ERBB4: variants seen among roughly 807,000 people sequenced by gnomAD.
ERBB4 encodes the protein receptor tyrosine-protein kinase erbB-4.
A neutral mutation model predicts 158.0 loss-of-function variants in ERBB4; 42 were observed. That is an observed-to-expected ratio of 0.27 (90% CI 0.21 to 0.34). ERBB4 has a LOEUF of 0.34. Ranked by LOEUF, ERBB4 falls within the 10% of genes least tolerant of loss-of-function variation. The pLI is 1.00. For synonymous variants in ERBB4, 583 were observed against 558.7 expected, an observed-to-expected ratio of 1.04 and a Z score of -0.61; for missense variants, 1,333 against 1,624.1, an observed-to-expected ratio of 0.82 and a Z score of 3.08.
chr2:211,821,629 A>G (rs555227317), intron 3 of ERBB4, among the ~76,000 whole-genome samples: 1 of 152,210 alleles, frequency 6.6e-6, no homozygotes, highest in African/African-American at 2.4e-5. Flanking sequence ...CTAGTAACCA[A>G]AACAGCATGG....
At chr2:211,464,024 C>A (rs1471290807) in intron 20 of ERBB4, among the ~76,000 whole-genome samples, 1 of 152,110 alleles carries the variant, frequency 6.6e-6, no homozygotes, top group Admixed American at 6.6e-5. Flanking sequence ...GTCAGTCTTG[C>A]TTTTTTCCTT....
intron 15 of ERBB4, among the ~76,000 whole-genome samples, chr2:211,662,611 T>A (rs886285260): frequency 6.6e-6 from 1 of 152,116 alleles, no homozygotes; most frequent in Non-Finnish European, 1.5e-5. Flanking sequence ...AAAATAAAAA[T>A]TATCTAGTCA....
intron 20 of ERBB4, among the ~76,000 whole-genome samples, chr2:211,556,677 C>G (rs1007598695): frequency 3.3e-5 from 5 of 152,086 alleles, no homozygotes; most frequent in South Asian, 2.1e-4. Context: ...CCATAACAAA[C>G]ACTCTCTCAG....
chr2:211,831,028 T>C (rs2077207480), intron 3 of ERBB4, among the ~76,000 whole-genome samples: 1 of 151,582 alleles, frequency 6.6e-6, no homozygotes, highest in African/African-American at 2.4e-5. Context: ...AAAACCCAAG[T>C]CATAAAAGCT....
intron 19 of ERBB4, among the ~76,000 whole-genome samples, chr2:211,563,735 C>A (rs2067470037): frequency 6.6e-6 from 1 of 151,974 alleles, no homozygotes; most frequent in African/African-American, 2.4e-5. Flanking sequence ...CTTGTGTCTG[C>A]CATTTACTTT....
chr2:211,782,558 A>C (rs2076062132), intron 4 of ERBB4, among the ~76,000 whole-genome samples: 1 of 152,206 alleles, frequency 6.6e-6, no homozygotes, highest in Admixed American at 6.5e-5. Flanking sequence ...GCCATGATGT[A>C]AATAAGTTGC....
In ERBB4 at chr2:211,865,456, T is replaced by C. The variant is rs1160988053; in HGVS notation, c.422-77297A>G. 2.0e-5 allele frequency among the ~76,000 whole-genome samples: 3 copies of C among 152,124 alleles called. No individual in the cohort carries two copies. The East Asian group carries it at 5.8e-4, about 29-fold the overall frequency. ...GTGATATTCTGTGATATTCCTCTGTTTAGGTAAAATAAGTTGATAATTATA... is the reference window on the plus strand; with the variant it reads ...GTGATATTCTGTGATATTCCTCTGTCTAGGTAAAATAAGTTGATAATTATA... On this transcript the variant is annotated intron_variant, in intron 3 of 27. Coordinates refer to ENST00000342788, the MANE Select transcript of ERBB4 (RefSeq NM_005235.3).
intron 1 of ERBB4, among the ~76,000 whole-genome samples, chr2:212,360,329 ATAC>A (rs1442995944): frequency 2.6e-5 from 4 of 151,564 alleles, no homozygotes; most frequent in Admixed American, 2.0e-4. Context: ...TCAGCATCAA[ATAC>A]TCCTTGCCCT....
rs753660018 is a variant in ERBB4 at position 211,712,210 on chromosome 2, G to A, written c.998-34C>T. On this transcript the variant is annotated intron_variant, in intron 8 of 27. Coordinates refer to ENST00000342788, the MANE Select transcript of ERBB4 (RefSeq NM_005235.3). ...ACAAGACTCAGAGTTAGGGGATTGA[G>A]AAACTTATTTTTGGCCAATAAATCA... is the stretch of plus-strand genomic sequence containing the variant. 6 of 1,611,366 alleles carry A rather than the reference G, an allele frequency of 3.7e-6. No individual in the cohort carries two copies. The Admixed American group carries it at 1.0e-4, about 27-fold the overall frequency.
chr2:212,307,801 C>A (rs2086868849), intron 1 of ERBB4, among the ~76,000 whole-genome samples: 1 of 150,870 alleles, frequency 6.6e-6, no homozygotes, highest in African/African-American at 2.4e-5. Context: ...TTAATATTTT[C>A]TTTTGAAAAT....
chr2:211,784,551 C>T (rs1275416246), intron 4 of ERBB4, among the ~76,000 whole-genome samples: 1 of 152,102 alleles, frequency 6.6e-6, no homozygotes, highest in African/African-American at 2.4e-5. Context: ...ATGAATAATG[C>T]TGCTATGAGC....
At chr2:211,915,729 G>A (rs1230006482) in intron 3 of ERBB4, among the ~76,000 whole-genome samples, 1 of 151,726 alleles carries the variant, frequency 6.6e-6, no homozygotes, top group Non-Finnish European at 1.5e-5. Context: ...ACCTGGGAGT[G>A]ACCCAAGATA....
chr2:211,669,578 A>T (rs2071761456), intron 14 of ERBB4, among the ~76,000 whole-genome samples: 1 of 152,164 alleles, frequency 6.6e-6, no homozygotes. Flanking sequence ...TAAAATTATA[A>T]AAAATTAAAT....
chr2:211,534,033 G>C (rs1195208710), intron 20 of ERBB4, among the ~76,000 whole-genome samples: 2 of 152,026 alleles, frequency 1.3e-5, no homozygotes, highest in Non-Finnish European at 2.9e-5. Flanking sequence ...ATATATCATT[G>C]CTAGAAATGC....
At chr2:211,663,815 A>C (rs1286921678) in intron 15 of ERBB4, among the ~76,000 whole-genome samples, 1 of 152,152 alleles carries the variant, frequency 6.6e-6, no homozygotes, top group African/African-American at 2.4e-5. Context: ...AAAACAATAA[A>C]ATTCTCTTGT....
At chr2:212,094,227 T>C (rs2078861924) in intron 2 of ERBB4, among the ~76,000 whole-genome samples, 1 of 151,118 alleles carries the variant, frequency 6.6e-6, no homozygotes, top group Admixed American at 6.6e-5. Flanking sequence ...TAAGGTTGTT[T>C]AAAAGAACCT....
intron 1 of ERBB4, among the ~76,000 whole-genome samples, chr2:212,316,883 T>C (rs13026634): frequency 0.11 from 17,027 of 151,516 alleles, 1,745 homozygotes; most frequent in African/African-American, 0.27. Context: ...TACTTGCTTA[T>C]AGTTCTGTGA....
intron 1 of ERBB4, among the ~76,000 whole-genome samples, chr2:212,474,991 G>A (rs370005616): frequency 4.6e-5 from 7 of 151,698 alleles, no homozygotes; most frequent in African/African-American, 7.3e-5. Context: ...AGGTCCTCCC[G>A]CTTAGGCTTT....
intron 19 of ERBB4, among the ~76,000 whole-genome samples, chr2:211,589,399 C>T (rs2068392670): frequency 6.6e-6 from 1 of 152,088 alleles, no homozygotes; most frequent in Non-Finnish European, 1.5e-5. Context: ...TGTCTAAAAG[C>T]ATAAACCTAG....
Sources: allele counts gnomAD v4.1 joint callset (sites outside exome capture counted in the v4.1 genomes callset), GRCh38; gene constraint gnomAD v4.1.1; transcripts MANE v1.5; gene names NCBI Gene and HGNC (gene_info 2026-07-23, HGNC 2026-07-21).